Variants in CER1 observed in about 807,000 individuals in gnomAD.
The protein encoded by CER1 is cerberus 1, DAN family BMP antagonist, also known as cerberus.
A neutral mutation model predicts 11.8 loss-of-function variants in CER1; 10 were observed. The ratio of observed to expected loss-of-function variants is 0.85; its 90% CI spans 0.52 to 1.44. The LOEUF is 1.44. CER1 is among the 40% of genes most tolerant of loss of function. CER1 has a pLI of 0.00. For synonymous variants in CER1, 141 were observed against 122.3 expected (o/e 1.15, Z -1.01); for missense variants, 431 against 327.0 (o/e 1.32, Z -2.45).
intron 1 of CER1, among the ~76,000 whole-genome samples, chr9:14,720,935 T>G (rs755208506): frequency 6.6e-6 from 1 of 152,214 alleles, no homozygotes. Context: ...TTACATCACC[T>G]TTACCTCTCA....
In CER1 at chr9:14,720,220, T is replaced by C; in HGVS notation, c.674A>G (p.Glu225Gly). ...CACCACCTTGATCACGGAGGAAAGT[T>C]CAGTGCAGTTCAGTGGCAAGTGCAT... is the stretch of plus-strand genomic sequence containing the variant. ...TTMHLPLNCT[E>G]LSSVIKVVML... Residue 225 changes from glutamate (E) to glycine (G), a missense_variant, in exon 2 of 2, where the codon GAA becomes GGA. Physicochemically the swap from Glu to Gly is moderately conservative, Grantham distance 98 (BLOSUM62 -2). Transcript: ENST00000380911. 1 of 1,614,108 alleles carries C rather than the reference T, an allele frequency of 6.2e-7. No individual in the cohort carries two copies. The highest frequency in any genetic ancestry group is 2.2e-5 in the East Asian group (1 of 44,872).
At position 14,722,582 on chromosome 9, in the gene CER1, A is replaced by G. The variant is rs776979832; in HGVS notation, c.91T>C (p.Ser31Pro). The change falls in exon 1 of 2, where the codon TCC becomes CCC. Residue 31 changes from serine to proline, a missense_variant. By Grantham distance (74) the Ser-to-Pro change is moderately conservative. Transcript: ENST00000380911. ...QDGRQNQSSL[S>P]PVLLPRNQRE... ...TGATTCCTTGGCAGGAGTACGGGGG[A>G]AAGAGAACTCTGATTCTGGCGGCCA... 1 of 1,613,148 alleles carries G rather than the reference A, an allele frequency of 6.2e-7. No individual in the cohort carries two copies. Among genetic ancestry groups the G allele is most frequent in the Admixed American group, 1.7e-5 (1 of 60,002 alleles).
Position 14,719,835 on chromosome 9 carries a change from G to C in CER1, c.*255C>G, listed in dbSNP as rs1839982638. The C allele has an allele frequency of 4.5e-6, 2 of 442,248 alleles. No individual in the cohort carries two copies. The highest frequency in any genetic ancestry group is 4.1e-6 in the Non-Finnish European group (1 of 241,646). 27.4% of individuals were successfully genotyped at this position (442,248 alleles called of 1,614,324 possible). A position where few individuals can be genotyped will look rare whatever the true frequency, so the allele number is the denominator to read the frequency against. Reference sequence around the variant, plus strand: ...ATCTAGGTCGGGTCCGTCATTTATAGATGAAAATCTTTAGATGGAGAAAGG... The same window carrying C: ...ATCTAGGTCGGGTCCGTCATTTATACATGAAAATCTTTAGATGGAGAAAGG... On this transcript the variant is annotated 3_prime_UTR_variant, in exon 2 of 2. Coordinates refer to ENST00000380911, the MANE Select transcript of CER1 (RefSeq NM_005454.3).
In CER1 at chr9:14,720,251, T is replaced by G. The variant is rs1171404218; in HGVS notation, c.643A>C (p.Thr215Pro). ...SCSHCLPAKF[T>P]TMHLPLNCTE... ...CAGTTCAGTGGCAAGTGCATCGTGG[T>G]GAACTTGGCAGGCAAACAGTGAGAG... The change falls in exon 2 of 2, where the codon ACC becomes CCC. Residue 215 changes from threonine to proline, a missense_variant. Coordinates refer to ENST00000380911, the MANE Select transcript of CER1 (RefSeq NM_005454.3). The G allele has an allele frequency of 6.2e-7, 1 of 1,614,116 alleles. No homozygotes were observed. The highest frequency in any genetic ancestry group is 1.7e-5 in the Admixed American group (1 of 60,010).
chr9:14,719,511 C>G (rs1457394702), downstream of CER1, among the ~76,000 whole-genome samples: 1 of 151,668 alleles, frequency 6.6e-6, no homozygotes, highest in Non-Finnish European at 1.5e-5. Flanking sequence ...CGTAGCCTGC[C>G]TCCCTGCCTG....
At chr9:14,721,040 A>G (rs1365981326) in intron 1 of CER1, among the ~76,000 whole-genome samples, 1 of 152,236 alleles carries the variant, frequency 6.6e-6, no homozygotes, top group East Asian at 1.9e-4. Context: ...CAAAAGAAGA[A>G]TTTCAAAAGA....
In CER1 at chr9:14,719,749, T is replaced by C. The variant is rs1839981697; in HGVS notation, c.*341A>G. On this transcript the variant is annotated 3_prime_UTR_variant, in exon 2 of 2. Coordinates refer to ENST00000380911, the MANE Select transcript of CER1 (RefSeq NM_005454.3). ...TTTTCCTTCTTTAGATGGAGGGCTT[T>C]TACCCAAACTTGGAGAAAATGCATC... The C allele has an allele frequency of 4.7e-6, 1 of 214,532 alleles. No homozygotes were observed. The highest frequency in any genetic ancestry group is 5.0e-5 in the Admixed American group (1 of 19,970). The allele number at this position is 214,532 out of a possible 1,614,324, so 13.3% of individuals were successfully genotyped here.
Position 14,722,573 on chromosome 9 carries a change from G to T in CER1, c.100C>A (p.Leu34Ile). 2 of 1,613,748 alleles carry T rather than the reference G, an allele frequency of 1.2e-6. No homozygotes were observed. Among genetic ancestry groups the T allele is most frequent in the Non-Finnish European group, 1.7e-6 (2 of 1,180,040 alleles). The change falls in exon 1 of 2, where the codon CTC becomes ATC. Residue 34 changes from leucine to isoleucine, a missense_variant. Transcript: ENST00000380911. ...AGCTCTCTTTGATTCCTTGGCAGGA[G>T]TACGGGGGAAAGAGAACTCTGATTC... ...RQNQSSLSPVLLPRNQRELPT... is the reference protein window; with the variant it reads ...RQNQSSLSPVILPRNQRELPT...
chr9:14,722,451 C>A lies in CER1; in HGVS notation c.222G>T (p.Arg74Ser), dbSNP rs1413998385. 6.2e-7 allele frequency: 1 copy of A among 1,614,238 alleles called. No individual in the cohort carries two copies. The highest frequency in any genetic ancestry group is 8.5e-7 in the Non-Finnish European group (1 of 1,180,042). Residue 74 changes from arginine (R) to serine (S), a missense_variant, in exon 1 of 2, where the codon AGG becomes AGT. Physicochemically the swap from Arg to Ser is moderately radical, Grantham distance 110. Transcript: ENST00000380911. ...ATCTGGACAGCATCTTCTCTCTCTGCCTCTGGCCTTCCCCTGCAGGGCTGG... is the reference window on the plus strand; with the variant it reads ...ATCTGGACAGCATCTTCTCTCTCTGACTCTGGCCTTCCCCTGCAGGGCTGG... ...VATSPAGEGQRQREKMLSRFG... is the reference protein window; with the variant it reads ...VATSPAGEGQSQREKMLSRFG...
chr9:14,721,212 C>T (rs1840008386), intron 1 of CER1, among the ~76,000 whole-genome samples: 1 of 152,178 alleles, frequency 6.6e-6, no homozygotes, highest in Non-Finnish European at 1.5e-5. Flanking sequence ...CTATTGCTTG[C>T]TTAATTGGGT....
At chr9:14,720,918 T>A (rs929779994) in intron 1 of CER1, among the ~76,000 whole-genome samples, 2 of 152,212 alleles carry the variant, frequency 1.3e-5, no homozygotes, top group Non-Finnish European at 2.9e-5. Context: ...CTGCAAATCA[T>A]TGTATATTAC....
chr9:14,720,378 G>T lies in CER1; in HGVS notation c.516C>A (p.Thr172=). The T allele has an allele frequency of 6.2e-7, 1 of 1,608,032 alleles. No individual in the cohort carries two copies. Among genetic ancestry groups the T allele is most frequent in the Non-Finnish European group, 8.5e-7 (1 of 1,175,664 alleles). ...CRTVPFSQTI[T]HEGCEKVVVQ... ...CAACTACTTTTTCACAGCCTTCGTG[G>T]GTTATAGTCTAAAAAGCAAACACAT... The change falls in exon 2 of 2, where the codon ACC becomes ACA. Residue 172 remains threonine, a synonymous_variant. Coordinates refer to ENST00000380911, the MANE Select transcript of CER1 (RefSeq NM_005454.3).
rs767176051 is a variant in CER1, at chr9:14,720,190, A to T, written c.704T>A (p.Leu235Gln). The T allele has an allele frequency of 6.2e-7, 1 of 1,614,162 alleles. No individual in the cohort carries two copies. The part of the protein sequence containing the change: ...ELSSVIKVVM[L>Q]VEECQCKVKT... The stretch of plus-strand genomic sequence containing the variant: ...CACCTTGCACTGGCACTCCTCCACC[A>T]GCATCACCACCTTGATCACGGAGGA... The change falls in exon 2 of 2, where the codon CTG becomes CAG. Residue 235 changes from leucine to glutamine, a missense_variant. Leu to Gln is a moderately radical substitution (Grantham distance 113, BLOSUM62 -2). Coordinates refer to ENST00000380911, the MANE Select transcript of CER1 (RefSeq NM_005454.3).
At position 14,722,027 on chromosome 9, in the gene CER1, C is replaced by G. The variant is rs1353231593; in HGVS notation, c.507+139G>C. Reference sequence around the variant, plus strand: ...AAGGAAACTTAATCTTTGCCAAATCCTATGATGAATGCCCAAGGACCAAAT... The same window carrying G: ...AAGGAAACTTAATCTTTGCCAAATCGTATGATGAATGCCCAAGGACCAAAT... On this transcript the variant is annotated intron_variant, in intron 1 of 1. Transcript: ENST00000380911. 11 of 986,040 alleles carry G rather than the reference C, an allele frequency of 1.1e-5. No homozygotes were observed. The African/African-American group carries it at 1.3e-4, about 12-fold the overall frequency. The allele number at this position is 986,040 out of a possible 1,614,324, so 61.1% of individuals were successfully genotyped here.
downstream of CER1, among the ~76,000 whole-genome samples, chr9:14,717,430 A>T (rs957937434): frequency 1.3e-5 from 2 of 152,184 alleles, no homozygotes; most frequent in Admixed American, 6.5e-5. Context: ...TTTAAAAAAT[A>T]GAAGGTCTGA....
rs10115703 is a variant in CER1, at chr9:14,722,618, G to C, written c.55C>G (p.Arg19Gly). Residue 19 changes from arginine (R) to glycine (G), a missense_variant, in exon 1 of 2, where the codon CGG (arginine) becomes GGG (glycine). Physicochemically the swap from Arg to Gly is moderately radical, Grantham distance 125. Transcript: ENST00000380911. The stretch of plus-strand genomic sequence containing the variant: ...TGATTCTGGCGGCCATCCTGGTGCC[G>C]TGTGGTCTTTCCTAGAGGCAGGAGT... ...LVLLPLGKTT[R>G]HQDGRQNQSS... 3.7e-6 allele frequency: 6 copies of C among 1,607,672 alleles called. No individual in the cohort carries two copies. The East Asian group carries it at 8.9e-5, about 24-fold the overall frequency.
chr9:14,722,447 T>C lies in CER1; in HGVS notation c.226A>G (p.Arg76Gly), dbSNP rs746233679. ...CCAAATCTGGACAGCATCTTCTCTC[T>C]CTGCCTCTGGCCTTCCCCTGCAGGG... ...TSPAGEGQRQ[R>G]EKMLSRFGRF... The change falls in exon 1 of 2, where the codon AGA becomes GGA. Residue 76 changes from arginine (R) to glycine (G), a missense_variant. Coordinates refer to ENST00000380911, the MANE Select transcript of CER1 (RefSeq NM_005454.3). 26 of 1,614,228 alleles carry C rather than the reference T, an allele frequency of 1.6e-5. No individual in the cohort carries two copies. Among genetic ancestry groups the C allele is most frequent in the Middle Eastern group, 3.3e-4 (2 of 6,062 alleles).
intron 1 of CER1, among the ~76,000 whole-genome samples, chr9:14,720,899 T>A (rs1299112614): frequency 6.6e-6 from 1 of 152,220 alleles, no homozygotes; most frequent in Non-Finnish European, 1.5e-5. Flanking sequence ...AGAGTTACAA[T>A]GCATATGCCT....
At position 14,719,970 on chromosome 9, in the gene CER1, C is replaced by A. The variant is rs1181554789; in HGVS notation, c.*120G>T. 4.5e-6 allele frequency: 4 copies of A among 888,820 alleles called. No homozygotes were observed. Among genetic ancestry groups the A allele is most frequent in the Non-Finnish European group, 7.0e-6 (4 of 572,814 alleles). The allele number at this position is 888,820 out of a possible 1,614,324, so 55.1% of individuals were successfully genotyped here. ...TTTCCTCTATCGTTCTAATTTAAAA[C>A]TACGTTTCAAGTCACCTTTCCCTGA... On this transcript the variant is annotated 3_prime_UTR_variant, in exon 2 of 2. Coordinates refer to ENST00000380911, the MANE Select transcript of CER1 (RefSeq NM_005454.3).
Sources: gnomAD v4.1 joint callset for allele counts (sites outside exome capture counted in the v4.1 genomes callset) on GRCh38, gnomAD v4.1.1 for gene constraint, MANE v1.5 for transcripts, NCBI Gene and HGNC (gene_info 2026-07-23, HGNC 2026-07-21) for gene names.